VPS39: variants seen among roughly 807,000 people sequenced by gnomAD.
VPS39 encodes the protein vam6/Vps39-like protein.
A neutral mutation model predicts 121.0 loss-of-function variants in VPS39; 70 were observed. The observed-to-expected ratio is 0.58, with a 90% confidence interval of 0.48 to 0.71. The LOEUF is 0.71. VPS39 is among the 30% of genes least tolerant of loss of function. The pLI, the probability that VPS39 is intolerant of heterozygous loss-of-function variation, is 0.00. For missense variants in VPS39, 818 were observed against 1,051.5 expected, an observed-to-expected ratio of 0.78 and a Z score of 3.07; for synonymous variants, 378 against 398.1, an observed-to-expected ratio of 0.95 and a Z score of 0.60.
intron 12 of VPS39, among the ~76,000 whole-genome samples, chr15:42,168,384 G>T (rs2049285783): frequency 6.6e-6 from 1 of 152,142 alleles, no homozygotes; most frequent in South Asian, 2.1e-4. Context: ...TGGCAAGTTT[G>T]TGTGCTCCTT....
rs766480551 is a variant in VPS39 at position 42,187,746 on chromosome 15, C to G, written c.441+12G>C. The G allele has an allele frequency of 6.2e-7, 1 of 1,613,900 alleles. No individual in the cohort carries two copies. The highest frequency in any genetic ancestry group is 1.3e-5 in the African/African-American group (1 of 75,042). The stretch of plus-strand genomic sequence containing the variant: ...TCCCACCCAACCATGGACCAAGGAA[C>G]AGTGGACTTACCTGCAATTCATGAA... On this transcript the variant is annotated intron_variant, in intron 6 of 24. Transcript: ENST00000318006.
rs1566890364 is a variant in VPS39, at chr15:42,165,101, G to C, written c.1792C>G (p.His598Asp). ...LAIPYLEHII[H>D]VWEETGSRFH... ...CGAGAGCCTGTCTCCTCCCAAACAT[G>C]GATGATGTGTTCCTGAGGCAAGATG... Residue 598 changes from histidine to aspartate, a missense_variant, in exon 18 of 25, where the codon CAT becomes GAT. His to Asp is a moderately conservative substitution (Grantham distance 81). Transcript: ENST00000318006. 6.2e-7 allele frequency: 1 copy of C among 1,614,164 alleles called. No individual in the cohort carries two copies. The highest frequency in any genetic ancestry group is 1.7e-5 in the Admixed American group (1 of 60,034).
intron 3 of VPS39, 25 bp from the exon 4 acceptor site, chr15:42,191,192 C>T: frequency 2.5e-6 from 4 of 1,613,264 alleles, no homozygotes; most frequent in Non-Finnish European, 3.4e-6. Flanking sequence ...ATCATGAGAC[C>T]CAATTAAACA....
At chr15:42,166,272 T>G (rs2049240865) in intron 15 of VPS39, 40 bp from the exon 16 acceptor site, 1 of 1,594,048 alleles carries the variant, frequency 6.3e-7, no homozygotes, top group African/African-American at 1.3e-5. Flanking sequence ...TTGAGGCCCA[T>G]CTTGCCTGTG....
chr15:42,160,974 G>A (rs1185930881), intron 24 of VPS39, 145 bp from the exon 25 acceptor site: 1 of 724,446 alleles, frequency 1.4e-6, no homozygotes, highest in Non-Finnish European at 2.4e-6. Flanking sequence ...GCCTGCCTGA[G>A]GGGCTCTGGA....
chr15:42,161,499 C>T (rs1454010353), intron 24 of VPS39, 183 bp downstream of exon 24: 18 of 742,948 alleles, frequency 2.4e-5, no homozygotes, highest in African/African-American at 1.4e-4. Context: ...TTTAAATTCT[C>T]GAAGCCCACT....
intron 14 of VPS39, 58 bp from the exon 15 acceptor site, chr15:42,166,707 A>C (rs928223734): frequency 6.2e-7 from 1 of 1,613,902 alleles, no homozygotes; most frequent in Non-Finnish European, 8.5e-7. Flanking sequence ...AGATTTCCAT[A>C]TCTCAGTGGG....
intron 11 of VPS39, among the ~76,000 whole-genome samples, chr15:42,172,348 T>C (rs2140849343): frequency 6.6e-6 from 1 of 152,314 alleles, no homozygotes; most frequent in Admixed American, 6.5e-5. Context: ...TTCAGCCATA[T>C]GAGTGAGCCA....
chr15:42,207,771 G>A (rs1891906880), intron 1 of VPS39, among the ~76,000 whole-genome samples: 1 of 152,158 alleles, frequency 6.6e-6, no homozygotes, highest in South Asian at 2.1e-4. Context: ...TGAAGTCTTC[G>A]TGGGAATCAA....
rs527390027 is a variant in VPS39, at chr15:42,158,884, C to T, written c.*1870G>A. 32 of 152,384 alleles carry T rather than the reference C, an allele frequency of 2.1e-4. No individual in the cohort carries two copies. Among genetic ancestry groups the T allele is most frequent in the African/African-American group, 7.7e-4 (32 of 41,570 alleles). 9.4% of individuals were successfully genotyped at this position (152,384 alleles called of 1,614,324 possible). On this transcript the variant is annotated 3_prime_UTR_variant, in exon 25 of 25. Coordinates refer to ENST00000318006, the MANE Select transcript of VPS39 (RefSeq NM_015289.5). The stretch of plus-strand genomic sequence containing the variant: ...TGTATGTATACCAGGAAAGAAAACA[C>T]ACATTCTTTATTCTATTGCTTCAAA...
chr15:42,188,411 C>T (rs1189509351), intron 5 of VPS39, among the ~76,000 whole-genome samples: 3 of 152,162 alleles, frequency 2.0e-5, no homozygotes, highest in African/African-American at 7.2e-5. Context: ...AGAGCGATAT[C>T]TTTTCTGAAC....
intron 5 of VPS39, among the ~76,000 whole-genome samples, chr15:42,188,331 G>T (rs1273617112): frequency 3.9e-5 from 6 of 152,250 alleles, no homozygotes; most frequent in Non-Finnish European, 8.8e-5. Flanking sequence ...GCTAAAAAAT[G>T]GTAAGTTGAG....
In VPS39 at chr15:42,184,613, C is replaced by T; in HGVS notation, c.622G>A (p.Ala208Thr). ...LVAPLADGKV[A>T]VGQDDLTVVL... ...ACGGTGAGATCATCCTGGCCCACAG[C>T]CACTTTTCCATCTGCCAGAGGTGCA... Residue 208 changes from alanine (A) to threonine (T), a missense_variant, in exon 8 of 25, where the codon GCT becomes ACT. Ala to Thr is a moderately conservative substitution (Grantham distance 58). Transcript: ENST00000318006. The T allele has an allele frequency of 6.2e-7, 1 of 1,614,174 alleles. No individual in the cohort carries two copies. Among genetic ancestry groups the T allele is most frequent in the Non-Finnish European group, 8.5e-7 (1 of 1,180,014 alleles).
chr15:42,180,745 T>TA (rs1319125437), intron 8 of VPS39, among the ~76,000 whole-genome samples: 6 of 152,192 alleles, frequency 3.9e-5, no homozygotes, highest in Non-Finnish European at 8.8e-5. Flanking sequence ...TTCACTAACT[T>TA]AGAGATAATA....
At position 42,187,749 on chromosome 15, in the gene VPS39, T is replaced by C. The variant is rs751548277; in HGVS notation, c.441+9A>G. The C allele has an allele frequency of 6.8e-5, 110 of 1,613,916 alleles. No individual in the cohort carries two copies. Among genetic ancestry groups the C allele is most frequent in the Non-Finnish European group, 8.9e-5 (105 of 1,179,916 alleles). On this transcript the variant is annotated intron_variant, in intron 6 of 24. Transcript: ENST00000318006. ...CACCCAACCATGGACCAAGGAACAG[T>C]GGACTTACCTGCAATTCATGAAATT...
chr15:42,191,577 A>G lies in VPS39; in HGVS notation c.140-17T>C, dbSNP rs2049828042. On this transcript the variant is annotated splice_polypyrimidine_tract_variant and intron_variant, in intron 2 of 24. Transcript: ENST00000318006. ...TGTTGCAACCTATGGAAAACAAATA[A>G]ACACTGGTAGTTCCAAATACAGGGA... 2 of 1,611,480 alleles carry G rather than the reference A, an allele frequency of 1.2e-6. No homozygotes were observed. The highest frequency in any genetic ancestry group is 1.7e-6 in the Non-Finnish European group (2 of 1,177,900).
At position 42,208,149 on chromosome 15, in the gene VPS39, T is replaced by C; in HGVS notation, c.5A>G (p.His2Arg). The change falls in exon 1 of 25, where the codon CAC becomes CGC. Residue 2 changes from histidine to arginine, a missense_variant. Coordinates refer to ENST00000318006, the MANE Select transcript of VPS39 (RefSeq NM_015289.5). The part of the protein sequence containing the change: M[H>R]DAFEPVPILE... ...GATCGGCACTGGCTCGAAAGCGTCG[T>C]GCATGGCGGCAAGGGGAGAGTTGCC... The C allele has an allele frequency of 1.3e-6, 2 of 1,571,814 alleles. No homozygotes were observed. Among genetic ancestry groups the C allele is most frequent in the Non-Finnish European group, 1.7e-6 (2 of 1,158,560 alleles).
intron 5 of VPS39, 50 bp from the exon 6 acceptor site, chr15:42,187,906 T>C: frequency 1.3e-6 from 2 of 1,532,870 alleles, no homozygotes; most frequent in Non-Finnish European, 9.0e-7. Context: ...TCTCTCTAAC[T>C]GAGTGATAAC....
chr15:42,166,586 G>A lies in VPS39; in HGVS notation c.1583C>T (p.Thr528Ile). The change falls in exon 15 of 25, where the codon ACA becomes ATA. Residue 528 changes from threonine (T) to isoleucine (I), a missense_variant. Coordinates refer to ENST00000318006, the MANE Select transcript of VPS39 (RefSeq NM_015289.5). ...ACCCAGATGCTGCAGATACTGCACT[G>A]TCCTCTCGTGGCCTTTCAGAGGGGA... Reference protein sequence around the residue: ...ANSPLKGHERTVQYLQHLGTE... With the variant: ...ANSPLKGHERIVQYLQHLGTE... 1 of 1,614,224 alleles carries A rather than the reference G, an allele frequency of 6.2e-7. No individual in the cohort carries two copies. Among genetic ancestry groups the A allele is most frequent in the Non-Finnish European group, 8.5e-7 (1 of 1,180,042 alleles).
Sources: allele counts gnomAD v4.1 joint callset (sites outside exome capture counted in the v4.1 genomes callset), GRCh38; gene constraint gnomAD v4.1.1; transcripts MANE v1.5; gene names NCBI Gene and HGNC (gene_info 2026-07-23, HGNC 2026-07-21).